The following KHDRBS2 variants were observed in gnomAD, a reference collection of about 807,000 sequenced individuals.
KHDRBS2 encodes KH domain-containing, RNA-binding, signal transduction-associated protein 2.
In KHDRBS2, 26 loss-of-function variants were observed where a neutral mutation model predicts 44.3. The observed-to-expected ratio is 0.59, with a 90% CI of 0.43 to 0.81. KHDRBS2 has a LOEUF of 0.81. Ranked by LOEUF, KHDRBS2 falls within the 40% of genes least tolerant of loss-of-function variation. The pLI is 0.00. For synonymous variants in KHDRBS2, 194 were observed against 151.1 expected (o/e 1.28, Z -2.08); for missense variants, 476 against 433.1 (o/e 1.10, Z -0.88).
At chr6:61,617,501 T>C in the KHDRBS2 span, among the ~76,000 whole-genome samples, 1 of 152,192 alleles carries the variant, frequency 6.6e-6, no homozygotes, top group African/African-American at 2.4e-5. Context: ...TTTATAACAT[T>C]CTAATATCTT....
intron 6 of KHDRBS2, among the ~76,000 whole-genome samples, chr6:61,848,491 G>GTATATATATATATATGTATATATGTATA (rs1794790776): frequency 6.6e-5 from 2 of 30,482 alleles, no homozygotes; most frequent in African/African-American, 3.1e-4. Flanking sequence ...ATATATATAT[G>GTATATATATATATATGTATATATGTATA]TATATATATA....
intron 6 of KHDRBS2, among the ~76,000 whole-genome samples, chr6:61,774,596 G>C (rs1424672392): frequency 6.6e-6 from 1 of 152,134 alleles, no homozygotes; most frequent in East Asian, 1.9e-4. Flanking sequence ...CAAGGGACGA[G>C]AAGTTGAATC....
chr6:61,690,005 A>G (rs1468971283), intron 8 of KHDRBS2, among the ~76,000 whole-genome samples: 2 of 152,022 alleles, frequency 1.3e-5, no homozygotes, highest in Admixed American at 1.3e-4. Context: ...ATTCTAGTCC[A>G]AAATACTTAG....
chr6:62,228,134 C>T (rs1200372090), intron 1 of KHDRBS2, among the ~76,000 whole-genome samples: 1 of 152,124 alleles, frequency 6.6e-6, no homozygotes, highest in Non-Finnish European at 1.5e-5. Flanking sequence ...TAGAATTCAG[C>T]TGTGTATCCC....
At chr6:61,715,244 T>G (rs1406516286) in intron 7 of KHDRBS2, among the ~76,000 whole-genome samples, 1 of 151,852 alleles carries the variant, frequency 6.6e-6, no homozygotes, top group African/African-American at 2.4e-5. Context: ...CAATGGAGAA[T>G]TTATTGAGCT....
At chr6:62,280,519 T>C (rs1841652010) in intron 1 of KHDRBS2, among the ~76,000 whole-genome samples, 1 of 152,196 alleles carries the variant, frequency 6.6e-6, no homozygotes, top group African/African-American at 2.4e-5. Flanking sequence ...CAATATGAGA[T>C]TATTCTGTCA....
At chr6:61,712,783 G>A (rs989740403) in intron 7 of KHDRBS2, among the ~76,000 whole-genome samples, 5 of 151,692 alleles carry the variant, frequency 3.3e-5, no homozygotes, top group East Asian at 1.9e-4. Context: ...TAGTAGTAAC[G>A]TTCTACCTTT....
intron 6 of KHDRBS2, among the ~76,000 whole-genome samples, chr6:61,785,281 C>T (rs1377709889): frequency 6.6e-6 from 1 of 151,962 alleles, no homozygotes; most frequent in East Asian, 1.9e-4. Context: ...AAATAAGATA[C>T]CACTTTTTTG....
intron 2 of KHDRBS2, among the ~76,000 whole-genome samples, chr6:62,100,659 GT>G (rs1376553519): frequency 6.6e-6 from 1 of 152,152 alleles, no homozygotes; most frequent in African/African-American, 2.4e-5. Context: ...CTCACTGAAG[GT>G]TCAGGAAATC....
At chr6:62,081,534 A>T (rs1797391523) in intron 2 of KHDRBS2, among the ~76,000 whole-genome samples, 1 of 152,180 alleles carries the variant, frequency 6.6e-6, no homozygotes, top group South Asian at 2.1e-4. Context: ...CTTAAATGGA[A>T]TCATGCAAAA....
At chr6:62,109,003 CGAGTTAATGG>C (rs956699944) in intron 2 of KHDRBS2, among the ~76,000 whole-genome samples, 16 of 151,260 alleles carry the variant, frequency 1.1e-4, no homozygotes, top group African/African-American at 3.9e-4. Context: ...TGCTAAATGA[CGAGTTAATGG>C]GTGCAGCACA....
chr6:61,883,282 C>T (rs1800463368), intron 6 of KHDRBS2, among the ~76,000 whole-genome samples: 1 of 151,982 alleles, frequency 6.6e-6, no homozygotes, highest in Admixed American at 6.6e-5. Context: ...CTGTCCTCCC[C>T]GTGTCTACAG....
chr6:61,599,447 G>A, the KHDRBS2 span, among the ~76,000 whole-genome samples: 1 of 148,794 alleles, frequency 6.7e-6, no homozygotes, highest in Non-Finnish European at 1.5e-5. Context: ...TTAAAAGTGG[G>A]TGCAGAAGAT....
chr6:61,977,435 C>T (rs1234310803), intron 4 of KHDRBS2, among the ~76,000 whole-genome samples: 2 of 152,240 alleles, frequency 1.3e-5, no homozygotes, highest in African/African-American at 4.8e-5. Context: ...TACCAGTATG[C>T]AACCCTGAAT....
At chr6:61,583,378 A>G in the KHDRBS2 span, among the ~76,000 whole-genome samples, 1 of 151,778 alleles carries the variant, frequency 6.6e-6, no homozygotes, top group African/African-American at 2.4e-5. Context: ...TTATTCTTTG[A>G]TGGACCTCTA....
intron 2 of KHDRBS2, among the ~76,000 whole-genome samples, chr6:62,127,403 C>A (rs1809225992): frequency 6.6e-6 from 1 of 152,046 alleles, no homozygotes; most frequent in South Asian, 2.1e-4. Flanking sequence ...TATTGCCAAG[C>A]ACTTGCGAGG....
At chr6:61,585,170 T>A in the KHDRBS2 span, among the ~76,000 whole-genome samples, 3 of 151,950 alleles carry the variant, frequency 2.0e-5, no homozygotes, top group African/African-American at 7.2e-5. Context: ...TGTGGATTTG[T>A]GCCTAGGACC....
intron 6 of KHDRBS2, chr6:61,817,073 A>G (rs1320003477): frequency 7.4e-6 from 3 of 406,866 alleles, no homozygotes; most frequent in African/African-American, 6.2e-5. Flanking sequence ...GGTTTTCTAA[A>G]AAAACTTTCC....
intron 3 of KHDRBS2, among the ~76,000 whole-genome samples, chr6:61,980,217 G>A (rs1001681376): frequency 5.9e-5 from 9 of 152,104 alleles, no homozygotes; most frequent in African/African-American, 2.2e-4. Flanking sequence ...TTATTGTGCA[G>A]GAAAGTGATC....
Sources: gnomAD v4.1 joint callset for allele counts (sites outside exome capture counted in the v4.1 genomes callset) on GRCh38, gnomAD v4.1.1 for gene constraint, MANE v1.5 for transcripts, NCBI Gene and HGNC (gene_info 2026-07-23, HGNC 2026-07-21) for gene names.